BMS1: variants seen among roughly 807,000 people sequenced by gnomAD.
BMS1 encodes ribosome biogenesis protein BMS1 homolog.
Under a neutral mutation model 138.7 loss-of-function variants are expected in BMS1, and 53 were observed. The ratio of observed to expected loss-of-function variants is 0.38; its 90% CI spans 0.31 to 0.48. The LOEUF is 0.48. BMS1 is among the 20% of genes least tolerant of loss of function. BMS1 has a pLI of 0.97. For missense variants in BMS1, 1,360 were observed against 1,565.5 expected (o/e 0.87, Z 2.22); for synonymous variants, 504 against 539.9 (o/e 0.93, Z 0.92).
intron 9 of BMS1, among the ~76,000 whole-genome samples, chr10:42,794,764 CTT>C (rs200428735): frequency 1.4e-5 from 2 of 146,146 alleles, no homozygotes; most frequent in African/African-American, 5.0e-5. Context: ...TCATTTCCTT[CTT>C]TTTTTTTTTA....
intron 6 of BMS1, 80 bp from the exon 7 acceptor site, chr10:42,792,413 G>A (rs1458847693): frequency 3.2e-6 from 5 of 1,551,460 alleles, no homozygotes; most frequent in Non-Finnish European, 4.4e-6. Flanking sequence ...GGACAAGAGT[G>A]TGATGAATCA....
intron 7 of BMS1, 81 bp downstream of exon 7, chr10:42,792,695 G>A (rs746574190): frequency 4.9e-5 from 75 of 1,544,376 alleles, no homozygotes; most frequent in Non-Finnish European, 6.2e-5. Flanking sequence ...ACTGAAAAAT[G>A]ACCAAACAAG....
intron 8 of BMS1, 82 bp from the exon 9 acceptor site, chr10:42,793,770 A>AT: frequency 6.8e-7 from 1 of 1,480,780 alleles, no homozygotes; most frequent in Non-Finnish European, 9.1e-7. Context: ...GTCTAAGATA[A>AT]TTTTGAGAAA....
At chr10:42,827,306 A>G (rs755774552) in intron 21 of BMS1, among the ~76,000 whole-genome samples, 13 of 152,132 alleles carry the variant, frequency 8.5e-5, no homozygotes, top group South Asian at 2.1e-4. Context: ...AACCTTTTTT[A>G]TAAAATAAGT....
intron 13 of BMS1, among the ~76,000 whole-genome samples, chr10:42,816,168 G>C (rs1267353035): frequency 6.6e-6 from 1 of 152,096 alleles, no homozygotes; most frequent in East Asian, 1.9e-4. Flanking sequence ...GCTTGGTGGC[G>C]GGTGCCTATA....
At position 42,792,535 on chromosome 10, in the gene BMS1, C is replaced by G; in HGVS notation, c.822C>G (p.Ile274Met). Residue 274 changes from isoleucine to methionine, a missense_variant, in exon 7 of 23, where the codon ATC becomes ATG. By Grantham distance (10) the Ile-to-Met change is conservative. Transcript: ENST00000374518. ...LTNPEDIRTNIKCDRKVSLYG... is the reference protein window; with the variant it reads ...LTNPEDIRTNMKCDRKVSLYG... ...ACCCAGAGGATATCCGAACAAACAT[C>G]AAATGTGACCGGAAGGTGTCACTTT... 1.2e-6 allele frequency: 2 copies of G among 1,610,768 alleles called. No homozygotes were observed. The highest frequency in any genetic ancestry group is 1.7e-6 in the Non-Finnish European group (2 of 1,179,468).
At chr10:42,820,134 G>A (rs1014994375) in intron 15 of BMS1, 102 bp from the exon 16 acceptor site, 32 of 1,416,752 alleles carry the variant, frequency 2.3e-5, no homozygotes, top group Non-Finnish European at 2.9e-5. Flanking sequence ...ACATAATTCT[G>A]TCCACAGTTC....
chr10:42,809,353 T>C (rs1232680615), intron 13 of BMS1, among the ~76,000 whole-genome samples: 3 of 152,172 alleles, frequency 2.0e-5, no homozygotes. Flanking sequence ...ACACAGACAG[T>C]TGTGTAGAAA....
intron 18 of BMS1, 75 bp from the exon 19 acceptor site, chr10:42,821,987 T>C (rs2132382372): frequency 2.1e-6 from 3 of 1,403,924 alleles, no homozygotes; most frequent in Admixed American, 1.7e-5. Context: ...TTTGGTAATT[T>C]ATTGTGTCAC....
chr10:42,783,582 G>T (rs925312299), intron 1 of BMS1, among the ~76,000 whole-genome samples: 3 of 151,484 alleles, frequency 2.0e-5, no homozygotes, highest in Non-Finnish European at 4.4e-5. Flanking sequence ...TAATCAAGCT[G>T]TCAGATTTTA....
intron 13 of BMS1, among the ~76,000 whole-genome samples, chr10:42,812,387 G>A (rs1413331728): frequency 6.6e-6 from 1 of 152,106 alleles, no homozygotes; most frequent in African/African-American, 2.4e-5. Flanking sequence ...GCTATCCTTT[G>A]TCTTTGCCTC....
chr10:42,797,548 G>A, intron 11 of BMS1, 25 bp downstream of exon 11: 9 of 1,600,432 alleles, frequency 5.6e-6, no homozygotes, highest in Non-Finnish European at 7.7e-6. Context: ...TTCAGAACTA[G>A]AAATGTTTTA....
At chr10:42,811,355 T>C (rs1842172198) in intron 13 of BMS1, among the ~76,000 whole-genome samples, 1 of 151,498 alleles carries the variant, frequency 6.6e-6, no homozygotes, top group African/African-American at 2.4e-5. Flanking sequence ...TTTCTGCCCC[T>C]TATTATTTCT....
At chr10:42,818,253 G>A (rs536223846) in intron 15 of BMS1, among the ~76,000 whole-genome samples, 78 of 152,336 alleles carry the variant, frequency 5.1e-4, no homozygotes, top group African/African-American at 1.6e-3. Flanking sequence ...GCTAGTCTGT[G>A]TTGACCTTTG....
In BMS1 at chr10:42,791,789, T is replaced by C. The variant is rs758334444; in HGVS notation, c.779+20T>C. On this transcript the variant is annotated intron_variant, in intron 6 of 22. Coordinates refer to ENST00000374518, the MANE Select transcript of BMS1 (RefSeq NM_014753.4). Reference sequence around the variant, plus strand: ...AGACAGGTAAAATATGATTTTAAGCTTTTTCTTCCTGGGCCATATATTTCA... The same window carrying C: ...AGACAGGTAAAATATGATTTTAAGCCTTTTCTTCCTGGGCCATATATTTCA... 1.9e-6 allele frequency: 3 copies of C among 1,590,470 alleles called. No individual in the cohort carries two copies. The highest frequency in any genetic ancestry group is 2.6e-6 in the Non-Finnish European group (3 of 1,173,212).
intron 21 of BMS1, among the ~76,000 whole-genome samples, chr10:42,828,839 G>C (rs1002889236): frequency 3.9e-5 from 6 of 152,108 alleles, no homozygotes; most frequent in Non-Finnish European, 7.4e-5. Context: ...TTTATATAAA[G>C]TAGTTAATGA....
chr10:42,802,554 A>G (rs1042319383), intron 13 of BMS1, among the ~76,000 whole-genome samples: 12 of 152,026 alleles, frequency 7.9e-5, no homozygotes, highest in African/African-American at 2.7e-4. Flanking sequence ...CATTGTGGAA[A>G]ATTTCGAATG....
chr10:42,799,113 T>G (rs948862982), intron 12 of BMS1, among the ~76,000 whole-genome samples: 2 of 152,136 alleles, frequency 1.3e-5, no homozygotes, highest in African/African-American at 4.8e-5. Flanking sequence ...TCTCTTTCTC[T>G]CTCTCTCTCT....
intron 4 of BMS1, among the ~76,000 whole-genome samples, chr10:42,789,077 C>T (rs1305672079): frequency 6.6e-6 from 1 of 152,216 alleles, no homozygotes; most frequent in East Asian, 1.9e-4. Context: ...AAGGCACACA[C>T]AGTACGTGGA....
Sources: allele counts gnomAD v4.1 joint callset (sites outside exome capture counted in the v4.1 genomes callset), GRCh38; gene constraint gnomAD v4.1.1; transcripts MANE v1.5; gene names NCBI Gene and HGNC (gene_info 2026-07-23, HGNC 2026-07-21).